Variants in INPP4B observed in about 807,000 individuals in gnomAD.
INPP4B encodes inositol polyphosphate-4-phosphatase type II B.
Under a neutral mutation model 122.5 loss-of-function variants are expected in INPP4B, and 55 were observed. The observed-to-expected ratio is 0.45, with a 90% CI of 0.36 to 0.56. INPP4B has a LOEUF of 0.56. Among genes scored for constraint, INPP4B ranks in the 20% least tolerant of loss-of-function variants. The pLI is 0.00. For synonymous variants in INPP4B, 403 were observed against 388.7 expected (o/e 1.04, Z -0.43); for missense variants, 1,000 against 1,097.7 (o/e 0.91, Z 1.26).
chr4:142,458,304 G>A (rs1259060769), intron 3 of INPP4B, among the ~76,000 whole-genome samples: 2 of 152,044 alleles, frequency 1.3e-5, no homozygotes, highest in Non-Finnish European at 2.9e-5. Flanking sequence ...GACAGGAAGA[G>A]GGAAGTTTTG....
At chr4:142,288,568 G>C (rs1279809879) in intron 9 of INPP4B, among the ~76,000 whole-genome samples, 1 of 152,126 alleles carries the variant, frequency 6.6e-6, no homozygotes, top group African/African-American at 2.4e-5. Flanking sequence ...GGGCGACAGA[G>C]CGAGACTCTG....
At chr4:142,755,311 G>C (rs1354878041) in intron 1 of INPP4B, among the ~76,000 whole-genome samples, 1 of 151,848 alleles carries the variant, frequency 6.6e-6, no homozygotes, top group Admixed American at 6.6e-5. Context: ...GATTTCACTA[G>C]AATCAATTAA....
intron 2 of INPP4B, among the ~76,000 whole-genome samples, chr4:142,523,863 T>G (rs1334704464): frequency 1.4e-5 from 2 of 140,364 alleles, no homozygotes; most frequent in Non-Finnish European, 3.0e-5. Context: ...TGAGTCCATG[T>G]GATCTCATTG....
intron 2 of INPP4B, among the ~76,000 whole-genome samples, chr4:142,503,878 AT>A (rs1823688030): frequency 6.6e-6 from 1 of 152,128 alleles, no homozygotes; most frequent in African/African-American, 2.4e-5. Flanking sequence ...TTAAATAAAT[AT>A]GCTGGCACAA....
At chr4:142,779,429 A>C (rs1561059593) in intron 1 of INPP4B, among the ~76,000 whole-genome samples, 1 of 152,154 alleles carries the variant, frequency 6.6e-6, no homozygotes, top group Non-Finnish European at 1.5e-5. Flanking sequence ...AACCATCAAG[A>C]GTACAGACCA....
chr4:142,372,167 G>A (rs1790185148), intron 7 of INPP4B, among the ~76,000 whole-genome samples: 1 of 152,054 alleles, frequency 6.6e-6, no homozygotes, highest in Non-Finnish European at 1.5e-5. Context: ...TACGTTAAAT[G>A]AAATAAGCCA....
At chr4:142,137,832 T>C (rs1284374994) in intron 18 of INPP4B, among the ~76,000 whole-genome samples, 2 of 151,578 alleles carry the variant, frequency 1.3e-5, no homozygotes, top group African/African-American at 4.8e-5. Context: ...AAAACCACAA[T>C]GAGATATCAT....
chr4:142,685,315 G>GA (rs35005299), intron 2 of INPP4B, among the ~76,000 whole-genome samples: 70,595 of 151,880 alleles, frequency 0.46, 20,172 homozygotes, highest in East Asian at 0.78. Flanking sequence ...GAAGAGAGGA[G>GA]AAAAAAAGCC....
chr4:142,410,091 G>A (rs896102716), intron 5 of INPP4B, among the ~76,000 whole-genome samples: 6 of 152,176 alleles, frequency 3.9e-5, no homozygotes, highest in African/African-American at 1.4e-4. Flanking sequence ...AATTTTGGCT[G>A]GAAGCCTAAA....
intron 2 of INPP4B, among the ~76,000 whole-genome samples, chr4:142,585,759 C>T (rs564973449): frequency 6.6e-6 from 1 of 152,000 alleles, no homozygotes; most frequent in Non-Finnish European, 1.5e-5. Flanking sequence ...TGAAGTATCT[C>T]TTTCCATGAC....
At chr4:142,294,170 C>G (rs1472747645) in intron 9 of INPP4B, among the ~76,000 whole-genome samples, 1 of 152,098 alleles carries the variant, frequency 6.6e-6, no homozygotes, top group Admixed American at 6.6e-5. Flanking sequence ...TCAAAACTAC[C>G]TTTGTAACCC....
chr4:142,443,099 G>T lies in INPP4B; in HGVS notation c.-126-11714C>A, dbSNP rs189298951. 3.1e-3 allele frequency among the ~76,000 whole-genome samples: 465 copies of T among 152,150 alleles called. 3 individuals are homozygous for T. Among genetic ancestry groups the T allele is most frequent in the African/African-American group, 0.011 (443 of 41,512 alleles). On this transcript the variant is annotated intron_variant, in intron 3 of 25. Coordinates refer to ENST00000262992, the MANE Select transcript of INPP4B (RefSeq NM_001101669.3). ...TTATTACAATTCAAGGTAAGATTTGGGTAGGGATACAACCAAACCATATCA... is the reference window on the plus strand; with the variant it reads ...TTATTACAATTCAAGGTAAGATTTGTGTAGGGATACAACCAAACCATATCA...
intron 1 of INPP4B, among the ~76,000 whole-genome samples, chr4:142,733,278 C>T (rs1029857108): frequency 6.6e-6 from 1 of 151,982 alleles, no homozygotes; most frequent in Non-Finnish European, 1.5e-5. Context: ...AAGTGGTAAC[C>T]GTCAAGGGAA....
intron 1 of INPP4B, among the ~76,000 whole-genome samples, chr4:142,803,969 G>T (rs1778350373): frequency 6.6e-6 from 1 of 151,894 alleles, no homozygotes; most frequent in South Asian, 2.1e-4. Context: ...TGAAGCAGGA[G>T]AATCGCTTGA....
At chr4:142,052,468 T>C (rs1755174394) in intron 25 of INPP4B, among the ~76,000 whole-genome samples, 1 of 152,082 alleles carries the variant, frequency 6.6e-6, no homozygotes, top group Non-Finnish European at 1.5e-5. Context: ...AATTTTGCTG[T>C]GCTAAATAAG....
chr4:142,100,560 C>CTG (rs766166757), intron 23 of INPP4B, among the ~76,000 whole-genome samples: 134,894 of 151,900 alleles, frequency 0.89, 61,652 homozygotes, highest in Non-Finnish European at 0.99. Context: ...TGTCTGGGGC[C>CTG]ATCTGAATAC....
intron 24 of INPP4B, among the ~76,000 whole-genome samples, chr4:142,085,905 C>T (rs969389396): frequency 2.6e-5 from 4 of 152,160 alleles, no homozygotes; most frequent in Non-Finnish European, 4.4e-5. Flanking sequence ...GAGAACACAT[C>T]CAAGGTTGGT....
At chr4:142,151,000 T>C (rs1579086694) in intron 17 of INPP4B, among the ~76,000 whole-genome samples, 1 of 152,326 alleles carries the variant, frequency 6.6e-6, no homozygotes, top group South Asian at 2.1e-4. Flanking sequence ...TTCTCACTTG[T>C]CATTATCAAT....
At chr4:142,542,485 C>G (rs1037442518) in intron 2 of INPP4B, among the ~76,000 whole-genome samples, 1 of 152,108 alleles carries the variant, frequency 6.6e-6, no homozygotes, top group African/African-American at 2.4e-5. Context: ...TTTTATGTGT[C>G]TGATACAACA....
Sources: gnomAD v4.1 joint callset for allele counts (sites outside exome capture counted in the v4.1 genomes callset) on GRCh38, gnomAD v4.1.1 for gene constraint, MANE v1.5 for transcripts, NCBI Gene and HGNC (gene_info 2026-07-23, HGNC 2026-07-21) for gene names.